The following CCDC3 variants were observed in gnomAD, a reference collection of about 807,000 sequenced individuals.
CCDC3 encodes coiled-coil domain-containing protein 3.
CCDC3 carries 24 observed loss-of-function variants against 21.4 expected under a neutral mutation model. The observed-to-expected ratio is 1.12, with a 90% CI of 0.81 to 1.58. The LOEUF is 1.58. CCDC3 is among the 40% of genes most tolerant of loss of function. The pLI, the probability that CCDC3 is intolerant of heterozygous loss-of-function variation, is 0.00. For synonymous variants in CCDC3, 186 were observed against 166.0 expected (o/e 1.12, Z -0.93); for missense variants, 425 against 360.9 (o/e 1.18, Z -1.44).
chr10:12,928,076 G>A lies in CCDC3; in HGVS notation c.550-29397C>T, dbSNP rs138686250. 5.0e-3 allele frequency among the ~76,000 whole-genome samples: 755 copies of A among 152,294 alleles called. 7 individuals are homozygous for A. Among genetic ancestry groups the A allele is most frequent in the African/African-American group, 0.018 (728 of 41,556 alleles). ...AGGTGTGCACACCCAGGGCCTCAGC[G>A]TGTTACAACACAGCCAAGGAAATGG... On this transcript the variant is annotated intron_variant, in intron 2 of 2. Coordinates refer to ENST00000378825, the MANE Select transcript of CCDC3 (RefSeq NM_031455.4).
At chr10:12,915,779 T>C (rs988647152) in intron 2 of CCDC3, among the ~76,000 whole-genome samples, 1 of 152,110 alleles carries the variant, frequency 6.6e-6, no homozygotes, top group Admixed American at 6.5e-5. Flanking sequence ...GAAGCCTAGG[T>C]TCACAGAAAC....
intron 1 of CCDC3, chr10:13,099,401 C>T (rs1426377456): frequency 1.4e-5 from 2 of 143,096 alleles, no homozygotes; most frequent in Non-Finnish European, 3.1e-5. Context: ...TCCCTCTCTC[C>T]GTCCCTCCCT....
intron 4 of CCDC3, among the ~76,000 whole-genome samples, chr10:13,054,001 C>G (rs1335419222): frequency 6.6e-6 from 1 of 152,024 alleles, no homozygotes; most frequent in East Asian, 1.9e-4. Context: ...CAAAAATTAG[C>G]TGGCATGGTG....
intron 4 of CCDC3, among the ~76,000 whole-genome samples, chr10:13,056,752 G>T (rs979099402): frequency 6.6e-6 from 1 of 152,176 alleles, no homozygotes; most frequent in Admixed American, 6.5e-5. Flanking sequence ...TAGTACTCTA[G>T]AATTTTCATC....
chr10:13,002,552 A>T (rs1008694017), upstream of CCDC3, among the ~76,000 whole-genome samples: 1 of 151,858 alleles, frequency 6.6e-6, no homozygotes, highest in Non-Finnish European at 1.5e-5. Flanking sequence ...CACCCCGGAT[A>T]ATTTTTTGTT....
At chr10:13,073,930 T>G (rs1836918015) in exon 4 of CCDC3, 1 of 152,020 alleles carries the variant, frequency 6.6e-6, no homozygotes, top group South Asian at 2.1e-4. Context: ...ACCTAAAGCT[T>G]TGATGTCACC....
intron 5 of CCDC3, among the ~76,000 whole-genome samples, chr10:13,041,444 T>G (rs1187639880): frequency 6.6e-6 from 1 of 150,848 alleles, no homozygotes; most frequent in African/African-American, 2.4e-5. Flanking sequence ...ACACTAAGTA[T>G]CTGTATGTGT....
intron 4 of CCDC3, among the ~76,000 whole-genome samples, chr10:13,062,886 C>G (rs1438274465): frequency 6.6e-6 from 1 of 152,064 alleles, no homozygotes; most frequent in African/African-American, 2.4e-5. Flanking sequence ...TGACACTACC[C>G]AGATCAATAA....
chr10:12,947,937 T>C (rs1018421736), intron 2 of CCDC3, among the ~76,000 whole-genome samples: 5 of 152,216 alleles, frequency 3.3e-5, no homozygotes, highest in Non-Finnish European at 7.3e-5. Flanking sequence ...AGACCCAAGA[T>C]GTCTCACCTA....
chr10:12,931,194 G>C (rs534653220), intron 2 of CCDC3, among the ~76,000 whole-genome samples: 4 of 109,484 alleles, frequency 3.7e-5, no homozygotes, highest in African/African-American at 1.5e-4. Context: ...CTGGGCCACA[G>C]AGCAAGACTC....
At chr10:12,935,117 A>G (rs1834715963) in intron 2 of CCDC3, among the ~76,000 whole-genome samples, 1 of 151,870 alleles carries the variant, frequency 6.6e-6, no homozygotes, top group African/African-American at 2.4e-5. Context: ...GTCTCAAGCA[A>G]TCCTCCCACA....
At chr10:13,046,059 C>A (rs1173054413) in intron 5 of CCDC3, among the ~76,000 whole-genome samples, 1 of 151,988 alleles carries the variant, frequency 6.6e-6, no homozygotes, top group Admixed American at 6.6e-5. Context: ...CCACTGGACT[C>A]CAGCCTGGGT....
chr10:12,900,241 G>A (rs1271164287), intron 2 of CCDC3, among the ~76,000 whole-genome samples: 1 of 152,076 alleles, frequency 6.6e-6, no homozygotes, highest in Non-Finnish European at 1.5e-5. Context: ...TAATAAGGCT[G>A]GCATTTCCTT....
At chr10:12,964,703 G>A (rs1361771748) in intron 2 of CCDC3, among the ~76,000 whole-genome samples, 1 of 152,118 alleles carries the variant, frequency 6.6e-6, no homozygotes, top group African/African-American at 2.4e-5. Context: ...TGTAGCCAAA[G>A]GCATCCTTAA....
intron 5 of CCDC3, among the ~76,000 whole-genome samples, chr10:13,033,534 T>C (rs1449839215): frequency 6.6e-6 from 1 of 152,094 alleles, no homozygotes; most frequent in African/African-American, 2.4e-5. Context: ...CAAAAGAAAC[T>C]ACCATCAGAG....
chr10:13,073,878 T>A (rs1417575397), exon 4 of CCDC3: 2 of 152,150 alleles, frequency 1.3e-5, no homozygotes, highest in Non-Finnish European at 2.9e-5. Flanking sequence ...CTTTGCTTTT[T>A]TCTTTTCTTC....
chr10:12,907,959 C>T (rs991565648), intron 2 of CCDC3, among the ~76,000 whole-genome samples: 16 of 152,186 alleles, frequency 1.1e-4, no homozygotes, highest in African/African-American at 3.6e-4. Flanking sequence ...AGAGTTGGAG[C>T]GCAGTAGCAG....
chr10:13,045,063 A>C (rs1024897072), intron 5 of CCDC3, among the ~76,000 whole-genome samples: 2 of 152,216 alleles, frequency 1.3e-5, no homozygotes, highest in African/African-American at 4.8e-5. Context: ...TACACGAACA[A>C]GCTCATCTTT....
At chr10:13,023,561 C>T (rs1305375601) in intron 5 of CCDC3, among the ~76,000 whole-genome samples, 10 of 152,282 alleles carry the variant, frequency 6.6e-5, no homozygotes, top group South Asian at 2.1e-4. Context: ...CTCTTGCTAA[C>T]GTCCCGTTGT....
Sources: gnomAD v4.1 joint callset for allele counts (sites outside exome capture counted in the v4.1 genomes callset) on GRCh38, gnomAD v4.1.1 for gene constraint, MANE v1.5 for transcripts, NCBI Gene and HGNC (gene_info 2026-07-23, HGNC 2026-07-21) for gene names.